The following SV2C variants were observed in gnomAD, a reference collection of about 807,000 sequenced individuals.
SV2C encodes the protein solute carrier family 22 member B3.
Under a neutral mutation model 79.7 loss-of-function variants are expected in SV2C, and 49 were observed. That is an observed-to-expected ratio of 0.61 (90% CI 0.49 to 0.78). The LOEUF is 0.78. Ranked by LOEUF, SV2C falls within the 30% of genes least tolerant of loss-of-function variation. The probability of loss-of-function intolerance (pLI) is 0.00; values close to 1 mark genes in which losing one functional copy is unlikely to be tolerated. For synonymous variants in SV2C, 334 were observed against 333.2 expected (o/e 1.00, Z -0.03); for missense variants, 833 against 912.9 (o/e 0.91, Z 1.13).
At chr5:76,264,965 T>G (rs181724886) in intron 4 of SV2C, among the ~76,000 whole-genome samples, 1 of 152,196 alleles carries the variant, frequency 6.6e-6, no homozygotes, top group East Asian at 1.9e-4. Context: ...TTGAGCGCTG[T>G]GCTAGGAGAA....
intron 12 of SV2C, among the ~76,000 whole-genome samples, chr5:76,346,629 A>C (rs915232047): frequency 2.0e-5 from 3 of 152,236 alleles, no homozygotes; most frequent in Admixed American, 2.0e-4. Flanking sequence ...CTCTTAGGAA[A>C]GAGATTAATG....
At chr5:76,153,778 G>T (rs145989685) in intron 2 of SV2C, among the ~76,000 whole-genome samples, 1,872 of 152,272 alleles carry the variant, frequency 0.012, 34 homozygotes, top group African/African-American at 0.043. Context: ...ATTCCCATTA[G>T]GTTGTGCAGG....
intron 4 of SV2C, among the ~76,000 whole-genome samples, chr5:76,220,071 G>A (rs1489974663): frequency 3.9e-5 from 6 of 152,146 alleles, no homozygotes; most frequent in Non-Finnish European, 7.3e-5. Flanking sequence ...TGTCAACCCG[G>A]GGTTTGTGAC....
chr5:75,879,952 C>A, the SV2C span, among the ~76,000 whole-genome samples: 12 of 152,178 alleles, frequency 7.9e-5, no homozygotes. Context: ...GCAGGTTTGA[C>A]ACCACATGGA....
intron 4 of SV2C, among the ~76,000 whole-genome samples, chr5:76,253,159 A>G (rs139749596): frequency 1.4e-3 from 206 of 152,370 alleles, no homozygotes; most frequent in Middle Eastern, 0.01. Context: ...CAGAAAAAGC[A>G]TGATTCATGC....
At chr5:75,867,731 T>G in the SV2C span, among the ~76,000 whole-genome samples, 1 of 152,252 alleles carries the variant, frequency 6.6e-6, no homozygotes, top group African/African-American at 2.4e-5. Flanking sequence ...AGATTTCCTG[T>G]CTTTCCCTTC....
the SV2C span, among the ~76,000 whole-genome samples, chr5:76,064,701 A>C: frequency 6.6e-6 from 1 of 152,138 alleles, no homozygotes; most frequent in Non-Finnish European, 1.5e-5. Flanking sequence ...GCAGAAATCC[A>C]GTTTATATTT....
rs937831151 is a variant in SV2C at position 76,291,727 on chromosome 5, A to C, written c.1249-41A>C. The C allele has an allele frequency of 1.9e-5, 28 of 1,460,422 alleles. No homozygotes were observed. In the Admixed American group the frequency reaches 3.9e-4, roughly 20 times the overall value. The allele number at this position is 1,460,422 out of a possible 1,614,324, so 90.5% of individuals were successfully genotyped here. A position where few individuals can be genotyped will look rare whatever the true frequency, so the allele number is the denominator to read the frequency against. On this transcript the variant is annotated intron_variant, in intron 7 of 12. Coordinates refer to ENST00000502798, the MANE Select transcript of SV2C (RefSeq NM_014979.4). Reference sequence around the variant, plus strand: ...AAGGGGTCGGGGAGTGGGGTTGACTAAGTAACTGCATGAGAAAACTAACTC... The same window carrying C: ...AAGGGGTCGGGGAGTGGGGTTGACTCAGTAACTGCATGAGAAAACTAACTC...
At chr5:75,885,113 G>A in the SV2C span, among the ~76,000 whole-genome samples, 1 of 152,116 alleles carries the variant, frequency 6.6e-6, no homozygotes, top group South Asian at 2.1e-4. Context: ...GTTTTAAAGT[G>A]TGGCTCTTTG....
At chr5:76,212,637 C>A (rs776641086) in intron 4 of SV2C, among the ~76,000 whole-genome samples, 11 of 152,178 alleles carry the variant, frequency 7.2e-5, no homozygotes, top group Non-Finnish European at 1.3e-4. Context: ...CCCATCATAT[C>A]GCTCAGAATT....
At position 76,183,250 on chromosome 5, in the gene SV2C, C is replaced by G. The variant is rs186920333; in HGVS notation, c.581-11669C>G. ...ATGTTGGCCAGGCTGGTCTCAAACT[C>G]CTGACCTCAGGTGGTCTGCCCGCCT... On this transcript the variant is annotated intron_variant, in intron 2 of 12. Transcript: ENST00000502798. 7.6e-3 allele frequency among the ~76,000 whole-genome samples: 1,159 copies of G among 151,858 alleles called. 12 individuals are homozygous for G. Among genetic ancestry groups the G allele is most frequent in the African/African-American group, 0.026 (1,076 of 41,392 alleles).
chr5:76,206,231 T>A (rs1047462730), intron 3 of SV2C, among the ~76,000 whole-genome samples: 1 of 152,220 alleles, frequency 6.6e-6, no homozygotes, highest in East Asian at 1.9e-4. Flanking sequence ...AATTATGTTG[T>A]AAGACCTGAA....
At chr5:76,253,355 G>A (rs898996949) in intron 4 of SV2C, among the ~76,000 whole-genome samples, 5 of 152,092 alleles carry the variant, frequency 3.3e-5, no homozygotes, top group African/African-American at 1.2e-4. Context: ...GCAGTGGCAT[G>A]ATCTTGGTTC....
At chr5:76,345,331 G>A (rs145431354) in intron 12 of SV2C, among the ~76,000 whole-genome samples, 150 of 152,360 alleles carry the variant, frequency 9.8e-4, no homozygotes, top group African/African-American at 3.3e-3. Context: ...CAGTCGCCAT[G>A]TGCATGGCAC....
At chr5:75,918,878 T>C in the SV2C span, among the ~76,000 whole-genome samples, 1 of 152,212 alleles carries the variant, frequency 6.6e-6, no homozygotes, top group Admixed American at 6.5e-5. Context: ...ACAAATGCAC[T>C]TCCAATATGA....
At chr5:76,130,288 C>A (rs1302958157) in intron 1 of SV2C, among the ~76,000 whole-genome samples, 1 of 151,858 alleles carries the variant, frequency 6.6e-6, no homozygotes, top group Admixed American at 6.6e-5. Flanking sequence ...AAAACGCAGC[C>A]TGTGAGAACC....
chr5:76,101,990 T>G (rs13355282), intron 1 of SV2C, among the ~76,000 whole-genome samples: 1 of 152,164 alleles, frequency 6.6e-6, no homozygotes, highest in Non-Finnish European at 1.5e-5. Context: ...TCAGTCCAGG[T>G]CACTGTCATC....
At chr5:76,142,208 G>C (rs1043133496) in intron 2 of SV2C, among the ~76,000 whole-genome samples, 2 of 152,132 alleles carry the variant, frequency 1.3e-5, no homozygotes, top group African/African-American at 4.8e-5. Context: ...AAGATTGTGA[G>C]AGAAAAAGTA....
chr5:76,264,795 C>T (rs973645572), intron 4 of SV2C, among the ~76,000 whole-genome samples: 4 of 152,176 alleles, frequency 2.6e-5, no homozygotes, highest in Admixed American at 2.0e-4. Flanking sequence ...CCTGCCTGCT[C>T]CTTCCTCTGG....
Sources: gnomAD v4.1 joint callset for allele counts (sites outside exome capture counted in the v4.1 genomes callset) on GRCh38, gnomAD v4.1.1 for gene constraint, MANE v1.5 for transcripts, NCBI Gene and HGNC (gene_info 2026-07-23, HGNC 2026-07-21) for gene names.